MOB1B: variants seen among roughly 807,000 people sequenced by gnomAD.
The protein encoded by MOB1B is MOB1 Mps One Binder homolog B.
MOB1B carries 19 observed loss-of-function variants against 24.4 expected under a neutral mutation model. That is an observed-to-expected ratio of 0.78 (90% CI 0.54 to 1.14). MOB1B has a LOEUF of 1.14. MOB1B is among the 50% of genes most tolerant of loss of function. The probability of loss-of-function intolerance (pLI) is 0.00; values close to 1 mark genes in which losing one functional copy is unlikely to be tolerated. For synonymous variants in MOB1B, 76 were observed against 82.1 expected (o/e 0.93, Z 0.40); for missense variants, 243 against 259.6 (o/e 0.94, Z 0.44).
chr4:70,909,661 T>C (rs1264854689), intron 1 of MOB1B, among the ~76,000 whole-genome samples: 1 of 152,086 alleles, frequency 6.6e-6, no homozygotes, highest in South Asian at 2.1e-4. Context: ...ATCAAAATCA[T>C]GTGGCCAGTA....
intron 1 of MOB1B, among the ~76,000 whole-genome samples, chr4:70,918,780 G>C (rs1323910154): frequency 3.3e-5 from 5 of 152,110 alleles, no homozygotes; most frequent in African/African-American, 4.8e-5. Context: ...CCTGTGTCCT[G>C]AATGGTAATG....
chr4:70,928,087 C>T (rs996751834), intron 1 of MOB1B, among the ~76,000 whole-genome samples: 4 of 152,116 alleles, frequency 2.6e-5, no homozygotes, highest in Non-Finnish European at 5.9e-5. Flanking sequence ...TGCCCCCTTC[C>T]CAGTTTGTTA....
intron 1 of MOB1B, among the ~76,000 whole-genome samples, chr4:70,918,308 A>C (rs1396633710): frequency 6.6e-6 from 1 of 151,598 alleles, no homozygotes; most frequent in African/African-American, 2.4e-5. Context: ...TCCCACCAAC[A>C]GTGTAAAAGT....
intron 1 of MOB1B, among the ~76,000 whole-genome samples, chr4:70,913,356 G>A (rs1736073271): frequency 6.6e-6 from 1 of 151,960 alleles, no homozygotes; most frequent in African/African-American, 2.4e-5. Context: ...GAATGCTGTG[G>A]TGTGACTGTG....
chr4:70,931,878 A>G (rs1736902054), intron 1 of MOB1B, among the ~76,000 whole-genome samples: 1 of 151,822 alleles, frequency 6.6e-6, no homozygotes, highest in African/African-American at 2.4e-5. Context: ...GTACAGGCAC[A>G]TGCACCATGC....
intron 1 of MOB1B, among the ~76,000 whole-genome samples, chr4:70,942,639 A>T (rs1469815490): frequency 6.6e-6 from 1 of 152,206 alleles, no homozygotes; most frequent in African/African-American, 2.4e-5. Context: ...TATCTAAAAG[A>T]TATGTCTATA....
intron 1 of MOB1B, among the ~76,000 whole-genome samples, chr4:70,926,856 G>C (rs1736677955): frequency 6.6e-6 from 1 of 152,004 alleles, no homozygotes; most frequent in African/African-American, 2.4e-5. Flanking sequence ...AATTAGCCGG[G>C]CGTGGTGGTG....
intron 1 of MOB1B, among the ~76,000 whole-genome samples, chr4:70,927,279 C>CTGT (rs1447792209): frequency 1.3e-5 from 2 of 152,164 alleles, no homozygotes; most frequent in Non-Finnish European, 2.9e-5. Flanking sequence ...TGGCTCATGC[C>CTGT]TGTAATCCCA....
chr4:70,969,463 T>G (rs1738668921), intron 2 of MOB1B, among the ~76,000 whole-genome samples: 1 of 152,192 alleles, frequency 6.6e-6, no homozygotes, highest in African/African-American at 2.4e-5. Flanking sequence ...ATTCTTGCCT[T>G]GTTGCATTTT....
At chr4:70,924,868 A>G (rs541544999) in intron 1 of MOB1B, among the ~76,000 whole-genome samples, 60 of 152,254 alleles carry the variant, frequency 3.9e-4, no homozygotes, top group African/African-American at 1.3e-3. Flanking sequence ...TATGTGCCAC[A>G]ATTTCTTAAT....
intron 1 of MOB1B, among the ~76,000 whole-genome samples, chr4:70,946,140 G>A (rs1737573179): frequency 6.7e-6 from 1 of 148,646 alleles, no homozygotes; most frequent in African/African-American, 2.5e-5. Flanking sequence ...ACTATAAAGG[G>A]GCCTAATATT....
intron 1 of MOB1B, among the ~76,000 whole-genome samples, chr4:70,938,404 T>C (rs1011892113): frequency 7.0e-6 from 1 of 143,718 alleles, no homozygotes; most frequent in African/African-American, 2.6e-5. Flanking sequence ...GGTTTCTGGT[T>C]AGGGGAATAG....
intron 1 of MOB1B, 156 bp from the exon 2 acceptor site, chr4:70,958,716 GAA>G: frequency 1.2e-6 from 1 of 828,110 alleles, no homozygotes; most frequent in South Asian, 1.3e-5. Flanking sequence ...ACACAGCAGA[GAA>G]AGTTTGTAGG....
intron 1 of MOB1B, among the ~76,000 whole-genome samples, chr4:70,934,317 C>G (rs926768734): frequency 6.7e-6 from 1 of 150,022 alleles, no homozygotes; most frequent in African/African-American, 2.5e-5. Context: ...AACTCCTGGC[C>G]TCAAGTGATT....
At chr4:70,927,552 A>G (rs1385360703) in intron 1 of MOB1B, among the ~76,000 whole-genome samples, 3 of 151,702 alleles carry the variant, frequency 2.0e-5, no homozygotes, top group African/African-American at 4.9e-5. Context: ...AAAAAAAAAA[A>G]TTGCCGTCAA....
chr4:70,973,291 A>G (rs1232276408), intron 3 of MOB1B, among the ~76,000 whole-genome samples: 1 of 151,862 alleles, frequency 6.6e-6, no homozygotes, highest in African/African-American at 2.4e-5. Context: ...GGTAGTAAAC[A>G]TGGTTGTGCC....
intron 2 of MOB1B, among the ~76,000 whole-genome samples, chr4:70,967,244 C>T (rs1039370805): frequency 5.3e-5 from 8 of 152,140 alleles, no homozygotes; most frequent in Non-Finnish European, 1.2e-4. Flanking sequence ...AGCAGTTCCC[C>T]TGTCTCAGCC....
At position 70,902,441 on chromosome 4, in the gene MOB1B, C is replaced by T. The variant is rs942914328; in HGVS notation, c.-96C>T. 5 of 1,357,930 alleles carry T rather than the reference C, an allele frequency of 3.7e-6. No homozygotes were observed. Among genetic ancestry groups the T allele is most frequent in the Non-Finnish European group, 5.1e-6 (5 of 971,872 alleles). The allele number at this position is 1,357,930 out of a possible 1,614,324, so 84.1% of individuals were successfully genotyped here. ...TCTCGGCACCTCCTCCTCCGCCTCC[C>T]TGTCTCCTGTTCCATTCGCCTTTCC... is the stretch of plus-strand genomic sequence containing the variant. On this transcript the variant is annotated 5_prime_UTR_variant, in exon 1 of 6. Transcript: ENST00000309395.
At chr4:70,960,875 G>GCTT in intron 2 of MOB1B, among the ~76,000 whole-genome samples, 1 of 152,264 alleles carries the variant, frequency 6.6e-6, no homozygotes, top group Admixed American at 6.5e-5. Context: ...GCTGTATAGA[G>GCTT]CTTCTATATT....
Sources: allele counts gnomAD v4.1 joint callset (sites outside exome capture counted in the v4.1 genomes callset), GRCh38; gene constraint gnomAD v4.1.1; transcripts MANE v1.5; gene names NCBI Gene and HGNC (gene_info 2026-07-23, HGNC 2026-07-21).